Variants in TMEM94 observed in about 807,000 individuals in gnomAD.
The protein encoded by TMEM94 is transmembrane protein 94, also known as ER Mg2+ ATPase.
TMEM94 carries 81 observed loss-of-function variants against 158.6 expected under a neutral mutation model. That is an observed-to-expected ratio of 0.51 (90% confidence interval 0.43 to 0.61). TMEM94 has a LOEUF of 0.61. TMEM94 is among the 20% of genes least tolerant of loss of function. TMEM94 has a pLI of 0.00. For missense variants in TMEM94, 1,435 were observed against 1,762.0 expected, an observed-to-expected ratio of 0.81 and a Z score of 3.32; for synonymous variants, 751 against 730.7, an observed-to-expected ratio of 1.03 and a Z score of -0.45.
intron 1 of TMEM94, among the ~76,000 whole-genome samples, chr17:75,464,182 T>C (rs925326238): frequency 3.3e-5 from 5 of 152,192 alleles, no homozygotes; most frequent in African/African-American, 7.2e-5. Context: ...GCCAGCTTTG[T>C]CTAGATACTT....
Position 75,489,539 on chromosome 17 carries a change from G to A in TMEM94, c.868-37G>A. 1.9e-6 allele frequency: 3 copies of A among 1,587,060 alleles called. No individual in the cohort carries two copies. Among genetic ancestry groups the A allele is most frequent in the Non-Finnish European group, 2.6e-6 (3 of 1,155,492 alleles). ...GGCAGTGCCTGGGTCCCTCTAGAGGGGCGGGGTCAAGGCTGTGCCTCTGCT... is the reference window on the plus strand; with the variant it reads ...GGCAGTGCCTGGGTCCCTCTAGAGGAGCGGGGTCAAGGCTGTGCCTCTGCT... On this transcript the variant is annotated intron_variant, in intron 8 of 31. Coordinates refer to ENST00000314256, the MANE Select transcript of TMEM94 (RefSeq NM_014738.6). The surrounding 1 kb of genome is among the most constrained non-coding windows in gnomAD (Gnocchi z 5.0).
At chr17:75,475,935 T>G (rs2050670138) in intron 2 of TMEM94, among the ~76,000 whole-genome samples, 1 of 152,224 alleles carries the variant, frequency 6.6e-6, no homozygotes. Flanking sequence ...GGGCTTTGCC[T>G]TCCTAGAAGT....
chr17:75,469,006 A>G (rs2050403230), intron 1 of TMEM94, among the ~76,000 whole-genome samples: 3 of 152,106 alleles, frequency 2.0e-5, no homozygotes, highest in Admixed American at 6.6e-5. Context: ...GGCTGCCAGG[A>G]CGGGAGGGTG....
intron 18 of TMEM94, among the ~76,000 whole-genome samples, chr17:75,494,226 G>A (rs1382503165): frequency 6.6e-6 from 1 of 152,208 alleles, no homozygotes; most frequent in Admixed American, 6.5e-5. Context: ...ATTAGGCTTA[G>A]TAGGATCAGA....
chr17:75,486,315 T>A lies in TMEM94; in HGVS notation c.298T>A (p.Ser100Thr), dbSNP rs1567942027. Residue 100 changes from serine to threonine, a missense_variant, in exon 5 of 32, where the codon TCG (serine) becomes ACG (threonine). This residue lies in a region of TMEM94 where 1,051 missense variants were observed against 1,254.4 expected (regional missense o/e 0.84). Coordinates refer to ENST00000314256, the MANE Select transcript of TMEM94 (RefSeq NM_014738.6). Reference protein sequence around the residue: ...GSRGVGLVNASALFLLLLLNL... With the variant: ...GSRGVGLVNATALFLLLLLNL... ...CCGTGGGGTGGGGCTGGTGAATGCC[T>A]CGGCCTTGTTCCTGTTACTGCTTCT... 3 of 1,614,154 alleles carry A rather than the reference T, an allele frequency of 1.9e-6. No homozygotes were observed. Among genetic ancestry groups the A allele is most frequent in the Non-Finnish European group, 2.5e-6 (3 of 1,179,998 alleles).
intron 2 of TMEM94, among the ~76,000 whole-genome samples, chr17:75,475,919 G>A (rs2050669566): frequency 6.6e-6 from 1 of 152,200 alleles, no homozygotes; most frequent in African/African-American, 2.4e-5. Flanking sequence ...TCAGCTGCCT[G>A]GCCTTGGGCT....
intron 2 of TMEM94, among the ~76,000 whole-genome samples, chr17:75,477,397 C>T (rs552566090): frequency 1.5e-4 from 23 of 152,198 alleles, no homozygotes; most frequent in East Asian, 5.8e-4. Context: ...CCTGCACTGA[C>T]GACGACAGTG....
Position 75,495,067 on chromosome 17 carries a change from G to T in TMEM94, c.2728+33G>T. 1 of 1,596,780 alleles carries T rather than the reference G, an allele frequency of 6.3e-7. No individual in the cohort carries two copies. Among genetic ancestry groups the T allele is most frequent in the South Asian group, 1.1e-5 (1 of 90,042 alleles). Reference sequence around the variant, plus strand: ...CAAAGGCGTGGGGTGGGGACGGGGTGGCGGTGGGAGGATTCCCCTCCTCAG... The same window carrying T: ...CAAAGGCGTGGGGTGGGGACGGGGTTGCGGTGGGAGGATTCCCCTCCTCAG... On this transcript the variant is annotated intron_variant, in intron 20 of 31. Transcript: ENST00000314256. The surrounding 1 kb of genome is among the most constrained non-coding windows in gnomAD (Gnocchi z 5.6).
At position 75,491,071 on chromosome 17, in the gene TMEM94, G is replaced by A. The variant is rs752461240; in HGVS notation, c.1151G>A (p.Gly384Asp). 1.2e-6 allele frequency: 2 copies of A among 1,612,788 alleles called. No homozygotes were observed. The highest frequency in any genetic ancestry group is 1.7e-5 in the Admixed American group (1 of 59,874). Residue 384 changes from glycine to aspartate, a missense_variant, in exon 12 of 32, where the codon GGC becomes GAC. Gly to Asp is a moderately conservative substitution (Grantham distance 94, BLOSUM62 -1). Around this residue, in one of 3 missense-constraint regions of TMEM94, gnomAD observed 1,051 missense variants for 1,254.4 expected, o/e 0.84. Transcript: ENST00000314256. The surrounding 1 kb of genome is among the most constrained non-coding windows in gnomAD (Gnocchi z 5.1). Reference protein sequence around the residue: ...SSQEMLRCIWGHFLRVLGGTS... With the variant: ...SSQEMLRCIWDHFLRVLGGTS... ...CAGGAAATGCTGCGCTGCATTTGGG[G>A]CCACTTCCTGAGGGTGCTCGGGGGG... is the stretch of plus-strand genomic sequence containing the variant.
intron 1 of TMEM94, among the ~76,000 whole-genome samples, chr17:75,461,987 G>GT (rs1168406783): frequency 2.6e-5 from 3 of 116,756 alleles, no homozygotes; most frequent in African/African-American, 5.9e-5. Flanking sequence ...AAATTTTACA[G>GT]TTTTTTTTGT....
chr17:75,476,868 T>C, intron 2 of TMEM94: 1 of 1,410,440 alleles, frequency 7.1e-7, no homozygotes, highest in Non-Finnish European at 9.5e-7. Context: ...GGAGGCTGCT[T>C]GAATGAGCAT....
intron 2 of TMEM94, chr17:75,476,830 G>A: frequency 6.6e-7 from 1 of 1,523,920 alleles, no homozygotes; most frequent in Non-Finnish European, 8.8e-7. Context: ...AGCGGTTGCT[G>A]TGAGAGTCCT....
intron 2 of TMEM94, among the ~76,000 whole-genome samples, chr17:75,473,383 A>G (rs1208566936): frequency 1.1e-4 from 17 of 152,202 alleles, no homozygotes; most frequent in Admixed American, 1.1e-3. Flanking sequence ...AAACAGCTGC[A>G]AGGGCTCTGC....
chr17:75,479,500 A>G (rs924441790), intron 2 of TMEM94, among the ~76,000 whole-genome samples: 1 of 151,594 alleles, frequency 6.6e-6, no homozygotes, highest in Non-Finnish European at 1.5e-5. Flanking sequence ...TTGTATTTTT[A>G]ATAGAGACAG....
At chr17:75,470,788 G>A (rs929880177) in intron 1 of TMEM94, among the ~76,000 whole-genome samples, 2 of 151,386 alleles carry the variant, frequency 1.3e-5, no homozygotes, top group African/African-American at 4.9e-5. Flanking sequence ...GGATGCTGGT[G>A]CATGCCTGTA....
chr17:75,477,526 G>C (rs1261808229), intron 2 of TMEM94, among the ~76,000 whole-genome samples: 1 of 152,094 alleles, frequency 6.6e-6, no homozygotes. Flanking sequence ...TGGGGTTACA[G>C]GCATGAGCCA....
chr17:75,465,027 T>G (rs540918525), intron 1 of TMEM94, among the ~76,000 whole-genome samples: 1 of 152,078 alleles, frequency 6.6e-6, no homozygotes, highest in Admixed American at 6.6e-5. Flanking sequence ...AGAGACAGGG[T>G]CTCACTCCGT....
intron 2 of TMEM94, among the ~76,000 whole-genome samples, chr17:75,478,755 G>A (rs1478942418): frequency 6.6e-6 from 1 of 152,216 alleles, no homozygotes; most frequent in Admixed American, 6.5e-5. Flanking sequence ...AGTGAAAACA[G>A]CGGAATGGGG....
chr17:75,492,802 A>G lies in TMEM94; in HGVS notation c.1912+13A>G, dbSNP rs765218528. The G allele has an allele frequency of 2.5e-6, 4 of 1,592,756 alleles. No individual in the cohort carries two copies. The highest frequency in any genetic ancestry group is 1.7e-5 in the Admixed American group (1 of 59,362). On this transcript the variant is annotated intron_variant, in intron 15 of 31. Coordinates refer to ENST00000314256, the MANE Select transcript of TMEM94 (RefSeq NM_014738.6). This position sits in a 1 kb window ranked among gnomAD's most constrained non-coding sequence, Gnocchi z 4.4. ...GCCCGCCTCATTGGTACAGGTCCCC[A>G]TGGCAGGGGATGGCTGGCTGGACCC...
Sources: gnomAD v4.1 joint callset for allele counts (sites outside exome capture counted in the v4.1 genomes callset) on GRCh38, gnomAD v4.1.1 for gene constraint, gnomAD v4.1.1 regional missense constraint, Gnocchi (gnomAD v3.1) non-coding constraint, MANE v1.5 for transcripts, NCBI Gene and HGNC (gene_info 2026-07-23, HGNC 2026-07-21) for gene names.